MUC22: variants seen among roughly 807,000 people sequenced by gnomAD.
The protein encoded by MUC22 is mucin-22.
MUC22 carries 24 observed loss-of-function variants against 40.3 expected under a neutral mutation model. The ratio of observed to expected loss-of-function variants is 0.60; its 90% confidence interval spans 0.43 to 0.84. The LOEUF (loss-of-function observed/expected upper bound fraction) is 0.84. MUC22 is among the 40% of genes least tolerant of loss of function. The pLI, the probability that MUC22 is intolerant of heterozygous loss-of-function variation, is 0.00. For missense variants in MUC22, 1,926 were observed against 2,130.7 expected (o/e 0.90, Z 1.89); for synonymous variants, 765 against 844.5 (o/e 0.91, Z 1.63).
intron 1 of MUC22, among the ~76,000 whole-genome samples, chr6:31,015,581 G>A (rs1411337923): frequency 6.6e-6 from 1 of 152,088 alleles, no homozygotes; most frequent in Non-Finnish European, 1.5e-5. Flanking sequence ...CCTCACATTT[G>A]ACTCATAGTT....
chr6:31,015,936 T>C (rs1347977919), intron 1 of MUC22, among the ~76,000 whole-genome samples: 1 of 152,202 alleles, frequency 6.6e-6, no homozygotes, highest in Non-Finnish European at 1.5e-5. Flanking sequence ...ATAATTTGGA[T>C]GTTTGACCTC....
intron 2 of MUC22, among the ~76,000 whole-genome samples, chr6:31,031,583 T>C (rs1159569357): frequency 2.0e-5 from 3 of 152,216 alleles, no homozygotes; most frequent in Admixed American, 6.5e-5. Flanking sequence ...AGTTCTTTAG[T>C]GGTGATTTGT....
At chr6:31,020,590 C>T (rs969310605) in intron 1 of MUC22, among the ~76,000 whole-genome samples, 1 of 152,120 alleles carries the variant, frequency 6.6e-6, no homozygotes, top group African/African-American at 2.4e-5. Context: ...TTGCTCTCAG[C>T]ACCTCCTCTG....
exon 1 of MUC22, chr6:31,010,527 C>G (rs1303566094): frequency 1.8e-6 from 1 of 565,958 alleles, no homozygotes; most frequent in Admixed American, 3.0e-5. Flanking sequence ...GGGCTCCCCC[C>G]AACCATGCCA....
rs28993413 is a variant in MUC22, at chr6:31,016,132, CTT to C, written c.70+5369_70+5370del. Among the ~76,000 whole-genome samples, 304 of 139,566 alleles carry C rather than the reference CTT, an allele frequency of 2.2e-3. 1 individual carries two copies. The highest frequency in any genetic ancestry group is 7.0e-3 in the African/African-American group (265 of 37,682). The allele number at this position is 139,566 out of a possible 152,430, so 91.6% of individuals were successfully genotyped here. On this transcript the variant is annotated intron_variant, in intron 1 of 3. Transcript: ENST00000561890. Reference sequence around the variant, plus strand: ...ACCATTTTTAAGATGGCATCTCTTACTTTTTTTTTTTTTTGTGGGTGCTATAC... The same window carrying C: ...ACCATTTTTAAGATGGCATCTCTTACTTTTTTTTTTTTGTGGGTGCTATAC...
intron 1 of MUC22, among the ~76,000 whole-genome samples, chr6:31,017,425 G>A (rs1764305210): frequency 6.6e-6 from 1 of 152,142 alleles, no homozygotes; most frequent in Non-Finnish European, 1.5e-5. Flanking sequence ...CTAGCTAAGG[G>A]ATTGTAAATA....
At chr6:31,034,785 G>A in exon 4 of MUC22, 1 of 1,535,730 alleles carries the variant, frequency 6.5e-7, no homozygotes, top group Middle Eastern at 1.7e-4. Flanking sequence ...TCCACAGCCT[G>A]GGAAATGCAC....
chr6:31,018,919 A>T (rs117716054), intron 1 of MUC22, among the ~76,000 whole-genome samples: 1 of 151,118 alleles, frequency 6.6e-6, no homozygotes, highest in Non-Finnish European at 1.5e-5. Flanking sequence ...TGAGTGATGC[A>T]GTGGCCAGAG....
At chr6:31,009,226 T>C (rs1763709781), upstream of MUC22, among the ~76,000 whole-genome samples, 1 of 152,212 alleles carries the variant, frequency 6.6e-6, no homozygotes, top group Non-Finnish European at 1.5e-5. Context: ...ATTTAATTCT[T>C]TAATGTATTT....
rs568715850 is a variant in MUC22 at position 31,016,174 on chromosome 6, CTGAGGACATT to C, written c.70+5402_70+5411del. On this transcript the variant is annotated intron_variant, in intron 1 of 3. Transcript: ENST00000561890. Reference sequence around the variant, plus strand: ...GGGTGCTATACTTTCTCTTATATTGCTGAGGACATTTGAAGTTGGTTTTGCTGTTTGCATT... The same window carrying C: ...GGGTGCTATACTTTCTCTTATATTGCTGAAGTTGGTTTTGCTGTTTGCATT... Among the ~76,000 whole-genome samples, 304 of 144,862 alleles carry C rather than the reference CTGAGGACATT, an allele frequency of 2.1e-3. 1 individual carries two copies. Among genetic ancestry groups the C allele is most frequent in the African/African-American group, 7.1e-3 (279 of 39,112 alleles).
chr6:31,034,951 G>A (rs574807234), exon 4 of MUC22: 1 of 1,531,972 alleles, frequency 6.5e-7, no homozygotes, highest in Non-Finnish European at 8.7e-7. Flanking sequence ...ACACCATGGA[G>A]TGGATCACAG....
At chr6:31,021,029 C>T (rs372863568) in intron 1 of MUC22, among the ~76,000 whole-genome samples, 23 of 103,314 alleles carry the variant, frequency 2.2e-4, no homozygotes, top group African/African-American at 6.4e-4. Flanking sequence ...TCTGTGCGGC[C>T]GGAGCCTCCC....
At position 31,011,107 on chromosome 6, in the gene MUC22, T is replaced by A. The variant is rs9278834; in HGVS notation, c.70+331T>A. Among the ~76,000 whole-genome samples the A allele has an allele frequency of 0.14, 20,950 of 148,926 alleles. 1,784 individuals are homozygous for A. The highest frequency in any genetic ancestry group is 0.33 in the East Asian group (1,696 of 5,118). ...TATCTTGGATAAAAGTTTTTTTTTT[T>A]AACCGGAAAACTCTAGTTCCAATAG... On this transcript the variant is annotated intron_variant, in intron 1 of 3. Coordinates refer to ENST00000561890, the Ensembl canonical transcript of MUC22. This position sits in a 1 kb window ranked among gnomAD's most constrained non-coding sequence, Gnocchi z 4.5.
At chr6:31,029,344 A>G (rs1765814807) in exon 2 of MUC22, 1 of 1,534,678 alleles carries the variant, frequency 6.5e-7, no homozygotes, top group Non-Finnish European at 8.7e-7. Flanking sequence ...AGGCTCTGAG[A>G]CTACCACCAC....
rs1632868 is a variant in MUC22 at position 31,022,031 on chromosome 6, G to A, written c.71-3471G>A. On this transcript the variant is annotated intron_variant, in intron 1 of 3. Coordinates refer to ENST00000561890, the Ensembl canonical transcript of MUC22. ...GGAAGGAACAATTCCACACGCATGG[G>A]CTTAAGAGTTGCTAACACTCACTGT... is the stretch of plus-strand genomic sequence containing the variant. Among the ~76,000 whole-genome samples the A allele has an allele frequency of 2.0e-5, 3 of 151,660 alleles. No individual in the cohort carries two copies. In the East Asian group the frequency reaches 5.8e-4, roughly 30 times the overall value.
exon 2 of MUC22, chr6:31,026,175 C>T (rs749370722): frequency 6.6e-7 from 1 of 1,523,916 alleles, no homozygotes; most frequent in Non-Finnish European, 8.8e-7. Flanking sequence ...CCAAGGTGAT[C>T]ACGGCATCCA....
chr6:31,027,367 A>C, exon 2 of MUC22: 1 of 1,532,996 alleles, frequency 6.5e-7, no homozygotes, highest in Non-Finnish European at 8.7e-7. Context: ...CTCTGAGGCC[A>C]CTACAGTCTC....
chr6:31,013,504 T>G lies in MUC22; in HGVS notation c.70+2728T>G, dbSNP rs147642253. Among the ~76,000 whole-genome samples the G allele has an allele frequency of 4.0e-3, 602 of 152,260 alleles. 5 individuals are homozygous for G. Among genetic ancestry groups the G allele is most frequent in the Non-Finnish European group, 6.7e-3 (457 of 68,018 alleles). ...CTCCCACTCACTTGTTTATTTTATT[T>G]TATTGTATTAGGTAATGGATGTAAG... is the stretch of plus-strand genomic sequence containing the variant. On this transcript the variant is annotated intron_variant, in intron 1 of 3. Coordinates refer to ENST00000561890, the Ensembl canonical transcript of MUC22.
chr6:31,022,499 T>A (rs1158008032), intron 1 of MUC22, among the ~76,000 whole-genome samples: 1 of 151,716 alleles, frequency 6.6e-6, no homozygotes, highest in Admixed American at 6.6e-5. Flanking sequence ...GAAGAAAAAA[T>A]TTAGATCTAT....
Sources: allele counts gnomAD v4.1 joint callset (sites outside exome capture counted in the v4.1 genomes callset), GRCh38; gene constraint gnomAD v4.1.1; non-coding constraint Gnocchi (gnomAD v3.1); transcripts MANE v1.5; gene names NCBI Gene and HGNC (gene_info 2026-07-23, HGNC 2026-07-21).